SPECC1: variants seen among roughly 807,000 people sequenced by gnomAD.
SPECC1 encodes the protein cytospin-B.
In SPECC1, 62 loss-of-function variants were observed where a neutral mutation model predicts 104.1. The ratio of observed to expected loss-of-function variants is 0.60; its 90% confidence interval spans 0.49 to 0.74. The LOEUF is 0.74. SPECC1 is among the 30% of genes least tolerant of loss of function. The pLI, the probability that SPECC1 is intolerant of heterozygous loss-of-function variation, is 0.00. For missense variants in SPECC1, 1,306 were observed against 1,310.5 expected (o/e 1.00, Z 0.05); for synonymous variants, 513 against 501.6 (o/e 1.02, Z -0.30).
intron 4 of SPECC1, among the ~76,000 whole-genome samples, chr17:20,226,624 G>A (rs904021043): frequency 9.2e-5 from 14 of 152,316 alleles, no homozygotes; most frequent in Middle Eastern, 6.8e-3. Context: ...CCATTGTTAA[G>A]TCTGTTTGGT....
At chr17:20,026,956 TG>T (rs144144500) in intron 1 of SPECC1, among the ~76,000 whole-genome samples, 10,419 of 152,192 alleles carry the variant, frequency 0.068, 949 homozygotes, top group African/African-American at 0.21. Flanking sequence ...CATTATATTT[TG>T]TCTTTTTGAT....
Position 20,298,948 on chromosome 17 carries a change from A to AGAGAGAGAGTGTGTGT in SPECC1, c.3057+1872_3057+1873insAGAGAGAGTGTGTGTG. Among the ~76,000 whole-genome samples the AGAGAGAGAGTGTGTGT allele has an allele frequency of 1.4e-4, 7 of 49,074 alleles. 1 individual carries two copies. Among genetic ancestry groups the AGAGAGAGAGTGTGTGT allele is most frequent in the Admixed American group, 8.4e-4 (4 of 4,788 alleles). 32.2% of individuals were successfully genotyped at this position (49,074 alleles called of 152,430 possible). A position where few individuals can be genotyped will look rare whatever the true frequency, so the allele number is the denominator to read the frequency against. On this transcript the variant is annotated intron_variant, in intron 13 of 14. Transcript: ENST00000395527. ...GAGAGAGAGAGAGAGAGAGAGAGAG[A>AGAGAGAGAGTGTGTGT]GTGTGTGTGTGTGTGTGTGTGTGTA...
Position 20,227,555 on chromosome 17 carries a change from A to C in SPECC1, c.2006A>C (p.Glu669Ala). 1 of 1,612,640 alleles carries C rather than the reference A, an allele frequency of 6.2e-7. No homozygotes were observed. The highest frequency in any genetic ancestry group is 8.5e-7 in the Non-Finnish European group (1 of 1,179,686). The change falls in exon 5 of 15, where the codon GAA (glutamate) becomes GCA (alanine). Residue 669 changes from glutamate (E) to alanine (A), a missense_variant. Glu to Ala is a moderately radical substitution (Grantham distance 107). Transcript: ENST00000395527. ...KDMKETIFEL[E>A]DQVEQHRAVK... is the part of the protein sequence containing the mutation. ...ATGAAAGAAACCATATTTGAATTGG[A>C]AGATCAGGTGGAACAGCACCGGGCT... is the stretch of plus-strand genomic sequence containing the variant.
intron 3 of SPECC1, among the ~76,000 whole-genome samples, chr17:20,185,375 G>A (rs146621601): frequency 2.6e-5 from 4 of 152,312 alleles, no homozygotes; most frequent in Non-Finnish European, 5.9e-5. Context: ...GTTTGCGGGG[G>A]CACTTGTGCT....
intron 12 of SPECC1, 90 bp downstream of exon 12, chr17:20,260,384 G>C: frequency 9.6e-7 from 1 of 1,046,268 alleles, no homozygotes; most frequent in Non-Finnish European, 1.4e-6. Context: ...GTGCTTGATG[G>C]GCCAATATGC....
intron 2 of SPECC1, 74 bp from the exon 3 acceptor site, chr17:20,110,353 T>G: frequency 3.3e-6 from 5 of 1,514,084 alleles, no homozygotes; most frequent in Non-Finnish European, 4.5e-6. Flanking sequence ...CCAGCTCCCA[T>G]GCTCTGCTTG....
chr17:20,293,394 C>G (rs1379440085), intron 12 of SPECC1, among the ~76,000 whole-genome samples: 1 of 152,180 alleles, frequency 6.6e-6, no homozygotes, highest in Non-Finnish European at 1.5e-5. Context: ...TATTTCTCTT[C>G]ATCCTGCCTC....
intron 1 of SPECC1, among the ~76,000 whole-genome samples, chr17:20,020,575 G>A (rs577116009): frequency 2.0e-5 from 3 of 151,990 alleles, no homozygotes; most frequent in Admixed American, 6.6e-5. Context: ...CTTGTGATCC[G>A]CCCGCCTCAG....
At position 20,147,081 on chromosome 17, in the gene SPECC1, AT is replaced by A. The variant is rs71157859; in HGVS notation, c.283+36538del. Among the ~76,000 whole-genome samples the A allele has an allele frequency of 6.4e-3, 802 of 125,680 alleles. 9 individuals are homozygous for A. In the East Asian group the frequency reaches 0.08, roughly 13 times the overall value. 82.5% of individuals were successfully genotyped at this position (125,680 alleles called of 152,430 possible). A position where few individuals can be genotyped will look rare whatever the true frequency, so the allele number is the denominator to read the frequency against. On this transcript the variant is annotated intron_variant, in intron 3 of 14. Transcript: ENST00000395527. ...TAGGTGCATAACAGTATGGATCGTGATTTTTTTTTTTTTTTTTTTGAGACGG... is the reference window on the plus strand; with the variant it reads ...TAGGTGCATAACAGTATGGATCGTGATTTTTTTTTTTTTTTTTTGAGACGG...
At chr17:20,159,478 T>A (rs1341260141) in intron 3 of SPECC1, among the ~76,000 whole-genome samples, 1 of 152,176 alleles carries the variant, frequency 6.6e-6, no homozygotes, top group Non-Finnish European at 1.5e-5. Flanking sequence ...AAAATCCCCA[T>A]CTGAGACCCG....
intron 3 of SPECC1, among the ~76,000 whole-genome samples, chr17:20,136,908 C>T (rs1284987376): frequency 1.3e-5 from 2 of 152,200 alleles, no homozygotes; most frequent in Non-Finnish European, 2.9e-5. Flanking sequence ...AGGATATTTA[C>T]ATTCATGAGA....
In SPECC1 at chr17:20,116,803, CTTTTTTTTTTTTTTTTTTTT is replaced by C. The variant is rs58127201; in HGVS notation, c.283+6252_283+6271del. 5.2e-4 allele frequency among the ~76,000 whole-genome samples: 26 copies of C among 50,426 alleles called. No homozygotes were observed. In the East Asian group the frequency reaches 0.011, roughly 22 times the overall value. The allele number at this position is 50,426 out of a possible 152,430, so 33.1% of individuals were successfully genotyped here. The stretch of plus-strand genomic sequence containing the variant: ...GGGAACAATTGGCAGTGTCTGGAGA[CTTTTTTTTTTTTTTTTTTTT>C]TTTTTTTTTTGGCTGTCATGACTCG... On this transcript the variant is annotated intron_variant, in intron 3 of 14. Coordinates refer to ENST00000395527, the MANE Select transcript of SPECC1 (RefSeq NM_001243439.2).
chr17:20,183,941 C>CAGGCGGATTGTCTGAGCTCAGGAGTTCG, intron 3 of SPECC1, among the ~76,000 whole-genome samples: 1 of 151,638 alleles, frequency 6.6e-6, no homozygotes, highest in Non-Finnish European at 1.5e-5. Context: ...GAGGCCGAGG[C>CAGGCGGATTGTCTGAGCTCAGGAGTTCG]AGGCGGATTG....
At chr17:20,155,673 G>T (rs1223516179) in intron 3 of SPECC1, 1 of 156,698 alleles carries the variant, frequency 6.4e-6, no homozygotes, top group Non-Finnish European at 1.4e-5. Flanking sequence ...GGTTTCTCTT[G>T]TCCTGATAGG....
chr17:20,311,155 C>G (rs1443617128), intron 14 of SPECC1, among the ~76,000 whole-genome samples: 1 of 137,740 alleles, frequency 7.3e-6, no homozygotes. Context: ...TTTCTTATTA[C>G]AAAATCCAGT....
At position 20,204,584 on chromosome 17, in the gene SPECC1, G is replaced by A. The variant is rs780084248; in HGVS notation, c.535G>A (p.Ala179Thr). Residue 179 changes from alanine (A) to threonine (T), a missense_variant, in exon 4 of 15, where the codon GCA becomes ACA. By Grantham distance (58) the Ala-to-Thr change is moderately conservative. This residue lies in a region of SPECC1 where 1,177 missense variants were observed against 1,139.9 expected (regional missense o/e 1.03). Transcript: ENST00000395527. ...QVRELLAEAK[A>T]KDSEINRLRS... Reference sequence around the variant, plus strand: ...TCGGGAACTTTTGGCAGAAGCCAAAGCAAAAGATAGTGAAATTAACAGGCT... The same window carrying A: ...TCGGGAACTTTTGGCAGAAGCCAAAACAAAAGATAGTGAAATTAACAGGCT... 1.9e-6 allele frequency: 3 copies of A among 1,614,208 alleles called. No homozygotes were observed. Among genetic ancestry groups the A allele is most frequent in the Admixed American group, 3.3e-5 (2 of 60,024 alleles).
At chr17:20,081,889 A>C (rs1351276617) in intron 1 of SPECC1, among the ~76,000 whole-genome samples, 1 of 152,038 alleles carries the variant, frequency 6.6e-6, no homozygotes. Context: ...CCTGGGGCCC[A>C]TGTGTGCCAG....
intron 3 of SPECC1, among the ~76,000 whole-genome samples, chr17:20,196,500 C>T (rs1567926209): frequency 6.6e-6 from 1 of 151,910 alleles, no homozygotes; most frequent in Non-Finnish European, 1.5e-5. Context: ...ATTTAGGAGG[C>T]CTAACAACCT....
intron 1 of SPECC1, among the ~76,000 whole-genome samples, chr17:20,070,421 T>A (rs2046505824): frequency 1.3e-5 from 2 of 152,216 alleles, no homozygotes; most frequent in Admixed American, 1.3e-4. Flanking sequence ...TACTGATTGA[T>A]TTTGACCAAC....
Sources: allele counts gnomAD v4.1 joint callset (sites outside exome capture counted in the v4.1 genomes callset), GRCh38; gene constraint gnomAD v4.1.1; regional missense constraint gnomAD v4.1.1; transcripts MANE v1.5; gene names NCBI Gene and HGNC (gene_info 2026-07-23, HGNC 2026-07-21).